ACO2: variants seen among roughly 807,000 people sequenced by gnomAD.
The protein encoded by ACO2 is aconitase 2.
A neutral mutation model predicts 84.5 loss-of-function variants in ACO2; 31 were observed. The observed-to-expected ratio is 0.37, with a 90% CI of 0.28 to 0.50. The LOEUF is 0.50. ACO2 is among the 20% of genes least tolerant of loss of function. The pLI is 0.97. For missense variants in ACO2, 685 were observed against 1,029.3 expected, an observed-to-expected ratio of 0.67 and a Z score of 4.58; for synonymous variants, 414 against 412.7, an observed-to-expected ratio of 1.00 and a Z score of -0.04.
chr22:41,513,181 T>C (rs9623412), intron 4 of ACO2, among the ~76,000 whole-genome samples: 6,013 of 152,286 alleles, frequency 0.039, 393 homozygotes, highest in African/African-American at 0.13. Flanking sequence ...CTTGGCCTTC[T>C]GTTACAAAGG....
intron 14 of ACO2, 45 bp from the exon 15 acceptor site, chr22:41,526,217 C>G: frequency 6.4e-7 from 1 of 1,568,800 alleles, no homozygotes; most frequent in Middle Eastern, 2.3e-4. Flanking sequence ...ATCCACCCCT[C>G]CAGGGCCATG....
intron 1 of ACO2, among the ~76,000 whole-genome samples, chr22:41,483,947 CAG>C (rs1488719266): frequency 1.3e-5 from 2 of 152,150 alleles, no homozygotes; most frequent in African/African-American, 2.4e-5. Context: ...GGGAAGGAGA[CAG>C]AGGCTCCAGG....
chr22:41,485,597 C>T (rs1050948487), intron 1 of ACO2, among the ~76,000 whole-genome samples: 2 of 151,996 alleles, frequency 1.3e-5, no homozygotes, highest in African/African-American at 4.8e-5. Flanking sequence ...CCCACCACCA[C>T]GCCCGGCAAA....
intron 1 of ACO2, among the ~76,000 whole-genome samples, chr22:41,486,471 T>A (rs1223786243): frequency 1.4e-5 from 2 of 142,270 alleles, no homozygotes; most frequent in Non-Finnish European, 3.1e-5. Context: ...CTTTTTGTAT[T>A]TTTTTTTTTT....
chr22:41,500,305 T>C (rs5758375), intron 2 of ACO2, among the ~76,000 whole-genome samples: 36 of 147,112 alleles, frequency 2.4e-4, no homozygotes, highest in Non-Finnish European at 4.3e-4. Flanking sequence ...AATTTAATTT[T>C]ATTTTATTTT....
At chr22:41,513,220 AC>A (rs1181586500) in intron 4 of ACO2, among the ~76,000 whole-genome samples, 3 of 152,124 alleles carry the variant, frequency 2.0e-5, no homozygotes, top group African/African-American at 7.2e-5. Context: ...CTCCCTTTCT[AC>A]CTCAGTACAA....
intron 17 of ACO2, 167 bp from the exon 18 acceptor site, chr22:41,528,312 G>A: frequency 9.7e-7 from 1 of 1,028,746 alleles, no homozygotes; most frequent in South Asian, 1.7e-5. Context: ...TCCCCTGTAG[G>A]TGCCACCTGG....
chr22:41,521,863 C>T (rs909015863), intron 9 of ACO2, among the ~76,000 whole-genome samples: 1 of 151,936 alleles, frequency 6.6e-6, no homozygotes, highest in South Asian at 2.1e-4. Context: ...CAGCCTCCGC[C>T]TCCCAGGTTC....
At position 41,517,469 on chromosome 22, in the gene ACO2, G is replaced by C. The variant is rs61269773; in HGVS notation, c.836-58G>C. ...TGAAGATGCAGGTGGCCGCGTAGCAGGTGTGTGGGACCCTGGCCCGGCCAC... is the reference window on the plus strand; with the variant it reads ...TGAAGATGCAGGTGGCCGCGTAGCACGTGTGTGGGACCCTGGCCCGGCCAC... On this transcript the variant is annotated intron_variant, in intron 6 of 17. Coordinates refer to ENST00000216254, the MANE Select transcript of ACO2 (RefSeq NM_001098.3). The C allele has an allele frequency of 2.3e-3, 3,283 of 1,428,136 alleles. 58 individuals carry two copies. In the African/African-American group the frequency reaches 0.042, roughly 18 times the overall value. The allele number at this position is 1,428,136 out of a possible 1,614,324, so 88.5% of individuals were successfully genotyped here. A position where few individuals can be genotyped will look rare whatever the true frequency, so the allele number is the denominator to read the frequency against.
intron 11 of ACO2, 66 bp from the exon 12 acceptor site, chr22:41,523,764 C>A: frequency 7.1e-7 from 1 of 1,411,604 alleles, no homozygotes; most frequent in Non-Finnish European, 1.0e-6. Context: ...CCCAGCTTAT[C>A]TGTCCTCGGG....
chr22:41,528,114 A>C (rs1364460265), intron 17 of ACO2, 92 bp downstream of exon 17: 6 of 1,563,460 alleles, frequency 3.8e-6, no homozygotes, highest in Non-Finnish European at 4.3e-6. Flanking sequence ...TTCTCCCAGG[A>C]GGCTTCATTC....
chr22:41,528,396 G>C (rs200466811), intron 17 of ACO2, 83 bp from the exon 18 acceptor site: 1 of 1,555,280 alleles, frequency 6.4e-7, no homozygotes, highest in Non-Finnish European at 8.7e-7. Flanking sequence ...TCCCCAGGCA[G>C]TGCCCTGTCT....
chr22:41,517,741 C>T, intron 7 of ACO2, 110 bp downstream of exon 7: 1 of 945,904 alleles, frequency 1.1e-6, no homozygotes, highest in Admixed American at 2.0e-5. Flanking sequence ...CCCATTGTCT[C>T]CAGACAGGCG....
intron 1 of ACO2, among the ~76,000 whole-genome samples, chr22:41,492,687 C>T (rs1027985807): frequency 2.0e-5 from 3 of 152,046 alleles, no homozygotes; most frequent in Non-Finnish European, 4.4e-5. Context: ...GCAGGAGACT[C>T]GCTTGAACCT....
At chr22:41,507,317 G>A (rs1027875684) in intron 2 of ACO2, among the ~76,000 whole-genome samples, 2 of 152,172 alleles carry the variant, frequency 1.3e-5, no homozygotes, top group South Asian at 4.1e-4. Context: ...CTGATTCCCT[G>A]TGCCTTAGTG....
At chr22:41,478,975 C>T (rs908017067) in intron 1 of ACO2, among the ~76,000 whole-genome samples, 15 of 152,024 alleles carry the variant, frequency 9.9e-5, no homozygotes, top group African/African-American at 2.2e-4. Context: ...TCCTTGTAGC[C>T]GGGCTCCTTG....
chr22:41,519,016 C>T (rs2066498323), intron 8 of ACO2, among the ~76,000 whole-genome samples: 1 of 152,148 alleles, frequency 6.6e-6, no homozygotes, highest in Non-Finnish European at 1.5e-5. Context: ...AAACTGCTTC[C>T]TGAAGCAGCC....
intron 1 of ACO2, among the ~76,000 whole-genome samples, chr22:41,489,979 T>G (rs1041130464): frequency 2.6e-5 from 4 of 152,200 alleles, no homozygotes; most frequent in Admixed American, 2.6e-4. Flanking sequence ...TTTGCCTGGT[T>G]TATTTTTTCT....
intron 1 of ACO2, among the ~76,000 whole-genome samples, chr22:41,486,998 C>G (rs1009869010): frequency 3.9e-5 from 6 of 152,164 alleles, no homozygotes; most frequent in Non-Finnish European, 7.3e-5. Flanking sequence ...ATTCTCCTGC[C>G]TCAGCCTCCC....
Sources: gnomAD v4.1 joint callset for allele counts (sites outside exome capture counted in the v4.1 genomes callset) on GRCh38, gnomAD v4.1.1 for gene constraint, MANE v1.5 for transcripts, NCBI Gene and HGNC (gene_info 2026-07-23, HGNC 2026-07-21) for gene names.